Variants in DNAH5 observed in about 807,000 individuals in gnomAD.
DNAH5 encodes the protein axonemal beta dynein heavy chain 5.
A neutral mutation model predicts 518.2 loss-of-function variants in DNAH5; 372 were observed. The ratio of observed to expected loss-of-function variants is 0.72; its 90% CI spans 0.66 to 0.78. DNAH5 has a LOEUF of 0.78. Ranked by LOEUF, DNAH5 falls within the 30% of genes least tolerant of loss-of-function variation. The pLI, the probability that DNAH5 is intolerant of heterozygous loss-of-function variation, is 0.00. For synonymous variants in DNAH5, 2,039 were observed against 2,025.9 expected (o/e 1.01, Z -0.17); for missense variants, 5,523 against 5,687.0 (o/e 0.97, Z 0.93).
At chr5:13,900,078 A>G (rs1774388152) in intron 15 of DNAH5, 128 bp downstream of exon 15, 3 of 859,612 alleles carry the variant, frequency 3.5e-6, no homozygotes, top group Non-Finnish European at 5.6e-6. Context: ...ACCCCATGGC[A>G]CTGTCCCCTC....
Position 13,770,888 on chromosome 5 carries a change from C to T in DNAH5, c.9466G>A (p.Val3156Met). 1 of 1,614,098 alleles carries T rather than the reference C, an allele frequency of 6.2e-7. No individual in the cohort carries two copies. The highest frequency in any genetic ancestry group is 8.5e-7 in the Non-Finnish European group (1 of 1,179,984). Reference sequence around the variant, plus strand: ...AAATAATCAACACACTTCTCAGCCACCCCATCCTGGAAGGAGCCCATGCAT... The same window carrying T: ...AAATAATCAACACACTTCTCAGCCATCCCATCCTGGAAGGAGCCCATGCAT... ...VQCMGSFQDG[V>M]AEKCVDYFQR... Residue 3156 changes from valine (V) to methionine (M), a missense_variant, in exon 56 of 79, where the codon GTG (valine) becomes ATG (methionine). Val to Met is a conservative substitution (Grantham distance 21). Transcript: ENST00000265104.
rs1428105627 is a variant in DNAH5 at position 13,935,291 on chromosome 5, C to T, written c.58-4047G>A. Among the ~76,000 whole-genome samples the T allele has an allele frequency of 2.6e-5, 4 of 152,074 alleles. No homozygotes were observed. The East Asian group carries it at 7.7e-4, about 29-fold the overall frequency. ...ACATTACTTCATAACCCAATTGTTT[C>T]TGATTCCAGAGAAAAAAACATCCTA... On this transcript the variant is annotated intron_variant, in intron 1 of 78. Transcript: ENST00000265104.
rs2151800621 is a variant in DNAH5, at chr5:13,814,773, A to C, written c.7062T>G (p.Asp2354Glu). 6.2e-7 allele frequency: 1 copy of C among 1,614,060 alleles called. No homozygotes were observed. Among genetic ancestry groups the C allele is most frequent in the Non-Finnish European group, 8.5e-7 (1 of 1,179,964 alleles). The change falls in exon 43 of 79, where the codon GAT becomes GAG. Residue 2354 changes from aspartate (D) to glutamate (E), a missense_variant. Asp to Glu is a conservative substitution (Grantham distance 45). Transcript: ENST00000265104. The part of the protein sequence containing the change: ...IWIENLNSVL[D>E]DNKTLTLANG... ...TGGCAAGGGTTAGAGTTTTGTTATC[A>C]TCCAAAACAGAATTCAGATTTTCAA...
At chr5:13,831,143 T>TA (rs1763628933) in intron 35 of DNAH5, among the ~76,000 whole-genome samples, 1 of 152,230 alleles carries the variant, frequency 6.6e-6, no homozygotes, top group Non-Finnish European at 1.5e-5. Context: ...TACCCCCATC[T>TA]AAAATGTATA....
intron 31 of DNAH5, among the ~76,000 whole-genome samples, chr5:13,847,768 ATGTG>A (rs368651028): frequency 3.3e-5 from 5 of 150,100 alleles, no homozygotes; most frequent in Non-Finnish European, 5.9e-5. Context: ...GGGATTTCGC[ATGTG>A]TGTGTGTGTG....
At position 13,829,529 on chromosome 5, in the gene DNAH5, TCA is replaced by T. The variant is rs1580457416; in HGVS notation, c.6423_6424del (p.Cys2141Ter). The T allele has an allele frequency of 6.2e-7, 1 of 1,614,144 alleles. No homozygotes were observed. The highest frequency in any genetic ancestry group is 8.5e-7 in the Non-Finnish European group (1 of 1,180,018). On this transcript the variant is annotated stop_gained and frameshift_variant, in exon 38 of 79. Coordinates refer to ENST00000265104, the MANE Select transcript of DNAH5 (RefSeq NM_001369.3). LOFTEE classifies it high-confidence loss of function. ...ACACACCTGCTTAGAAAGCTGCTCC[TCA>T]CACAGTTTGTAGAGCGTGAAAAACT...
At chr5:13,963,343 C>T (rs539722384) in intron 1 of DNAH5, among the ~76,000 whole-genome samples, 4 of 152,156 alleles carry the variant, frequency 2.6e-5, no homozygotes, top group Admixed American at 6.5e-5. Context: ...TTTGGGAGGC[C>T]GAGGCGGGTG....
chr5:13,853,430 G>T (rs571582111), intron 30 of DNAH5, among the ~76,000 whole-genome samples: 7 of 152,194 alleles, frequency 4.6e-5, no homozygotes, highest in African/African-American at 9.6e-5. Flanking sequence ...AGCACAAAAA[G>T]ACTGAAAATT....
At chr5:14,007,731 A>G (rs1209298966) in intron 1 of DNAH5, among the ~76,000 whole-genome samples, 2 of 152,192 alleles carry the variant, frequency 1.3e-5, no homozygotes, top group South Asian at 2.1e-4. Flanking sequence ...GCTGTAAGTT[A>G]CCCAAAAACA....
chr5:13,734,889 T>A (rs954403764), intron 68 of DNAH5, among the ~76,000 whole-genome samples: 1 of 152,140 alleles, frequency 6.6e-6, no homozygotes, highest in African/African-American at 2.4e-5. Context: ...CCTAAATCTA[T>A]ATATGCTTTT....
Position 13,870,986 on chromosome 5 carries a change from G to A in DNAH5, c.3615C>T (p.Ala1205=), listed in dbSNP as rs1770016530. Residue 1205 remains alanine, a synonymous_variant, in exon 24 of 79, where the codon GCC becomes GCT. Transcript: ENST00000265104. ...IALYTADLKF[A]LTAETKAWMV... is the part of the protein sequence containing the mutation. Reference sequence around the variant, plus strand: ...TCCAGGCCTTTGTCTCAGCAGTCAGGGCGAACTTCAAGTCAGCTGTAAAAA... The same window carrying A: ...TCCAGGCCTTTGTCTCAGCAGTCAGAGCGAACTTCAAGTCAGCTGTAAAAA... 1.9e-6 allele frequency: 3 copies of A among 1,613,224 alleles called. No individual in the cohort carries two copies. The highest frequency in any genetic ancestry group is 1.7e-6 in the Non-Finnish European group (2 of 1,179,696).
intron 75 of DNAH5, among the ~76,000 whole-genome samples, chr5:13,713,281 A>C (rs1433184041): frequency 6.8e-6 from 1 of 147,160 alleles, no homozygotes; most frequent in Non-Finnish European, 1.5e-5. Flanking sequence ...CGACATATAT[A>C]TACCAACATA....
chr5:13,788,924 G>C lies in DNAH5; in HGVS notation c.8449-10C>G. 2 of 1,612,714 alleles carry C rather than the reference G, an allele frequency of 1.2e-6. No homozygotes were observed. Among genetic ancestry groups the C allele is most frequent in the Non-Finnish European group, 1.7e-6 (2 of 1,178,832 alleles). On this transcript the variant is annotated splice_polypyrimidine_tract_variant and intron_variant, in intron 50 of 78. Transcript: ENST00000265104. Reference sequence around the variant, plus strand: ...ACAGCTTTAACAGATCCTGTTGAAAGTATAATTAAAATGTGTTAGTAATTC... The same window carrying C: ...ACAGCTTTAACAGATCCTGTTGAAACTATAATTAAAATGTGTTAGTAATTC...
chr5:13,833,641 A>T (rs1167463061), intron 35 of DNAH5, among the ~76,000 whole-genome samples: 1 of 152,116 alleles, frequency 6.6e-6, no homozygotes, highest in African/African-American at 2.4e-5. Context: ...CTAGGGGCAG[A>T]GCTGAGCAGT....
chr5:13,769,934 C>T (rs1561213127), intron 56 of DNAH5, among the ~76,000 whole-genome samples: 1 of 152,220 alleles, frequency 6.6e-6, no homozygotes, highest in African/African-American at 2.4e-5. Context: ...TGACAATAGA[C>T]TTCAAATGCT....
intron 1 of DNAH5, among the ~76,000 whole-genome samples, chr5:13,951,009 G>A (rs1177998586): frequency 6.6e-6 from 1 of 152,096 alleles, no homozygotes; most frequent in Non-Finnish European, 1.5e-5. Flanking sequence ...GAGATAGGAA[G>A]AGAACCCTTA....
At chr5:14,005,646 T>C (rs921179617) in intron 1 of DNAH5, among the ~76,000 whole-genome samples, 3 of 152,250 alleles carry the variant, frequency 2.0e-5, no homozygotes, top group Non-Finnish European at 4.4e-5. Flanking sequence ...CGATAAGTTT[T>C]GGTAAAAGAC....
intron 38 of DNAH5, among the ~76,000 whole-genome samples, chr5:13,827,561 C>A: frequency 1.0e-5 from 1 of 98,624 alleles, no homozygotes; most frequent in Non-Finnish European, 2.1e-5. Flanking sequence ...GTAGAGGGGA[C>A]TTGCCTTGTC....
At chr5:13,693,322 A>G (rs1174848886) in intron 78 of DNAH5, among the ~76,000 whole-genome samples, 1 of 152,242 alleles carries the variant, frequency 6.6e-6, no homozygotes, top group Non-Finnish European at 1.5e-5. Context: ...CAAAACTGAC[A>G]TGCTCAAAAA....
Sources: gnomAD v4.1 joint callset for allele counts (sites outside exome capture counted in the v4.1 genomes callset) on GRCh38, gnomAD v4.1.1 for gene constraint, MANE v1.5 for transcripts, NCBI Gene and HGNC (gene_info 2026-07-23, HGNC 2026-07-21) for gene names.